LPAR1: variants seen among roughly 807,000 people sequenced by gnomAD.
LPAR1 encodes LPA receptor 1.
Under a neutral mutation model 23.8 loss-of-function variants are expected in LPAR1, and 5 were observed. That is an observed-to-expected ratio of 0.21 (90% CI 0.11 to 0.44). The LOEUF is 0.44. LPAR1 is among the 20% of genes least tolerant of loss of function. The probability of loss-of-function intolerance (pLI) is 0.99; values close to 1 mark genes in which losing one functional copy is unlikely to be tolerated. For synonymous variants in LPAR1, 160 were observed against 164.7 expected, an observed-to-expected ratio of 0.97 and a Z score of 0.22; for missense variants, 311 against 482.8, an observed-to-expected ratio of 0.64 and a Z score of 3.33.
chr9:110,932,610 C>T (rs952165510), intron 5 of LPAR1, among the ~76,000 whole-genome samples: 2 of 152,238 alleles, frequency 1.3e-5, no homozygotes, highest in Non-Finnish European at 2.9e-5. Flanking sequence ...TGTTAAGAAT[C>T]GGGCTGCACA....
chr9:111,009,894 T>G (rs922149200), intron 2 of LPAR1, among the ~76,000 whole-genome samples: 2 of 151,022 alleles, frequency 1.3e-5, no homozygotes, highest in African/African-American at 4.9e-5. Context: ...TTATTATGGA[T>G]GCTAAGTTAC....
chr9:110,959,486 T>C (rs1182175178), intron 4 of LPAR1, among the ~76,000 whole-genome samples: 1 of 151,908 alleles, frequency 6.6e-6, no homozygotes, highest in Non-Finnish European at 1.5e-5. Context: ...GGCATGGTGG[T>C]ACACACCTGT....
At chr9:110,965,718 T>A (rs2096193041) in intron 4 of LPAR1, among the ~76,000 whole-genome samples, 1 of 152,214 alleles carries the variant, frequency 6.6e-6, no homozygotes, top group Non-Finnish European at 1.5e-5. Flanking sequence ...GTGTGGTGAT[T>A]CCTCAAGGAT....
At chr9:110,896,712 C>T (rs187316392) in intron 5 of LPAR1, among the ~76,000 whole-genome samples, 1 of 151,870 alleles carries the variant, frequency 6.6e-6, no homozygotes, top group African/African-American at 2.4e-5. Flanking sequence ...ACATAATACA[C>T]TGAAGCATGA....
rs138901415 is a variant in LPAR1 at position 110,882,452 on chromosome 9, C to T, written c.794-6730G>A. 1.6e-3 allele frequency among the ~76,000 whole-genome samples: 250 copies of T among 152,190 alleles called. 1 individual carries two copies. The highest frequency in any genetic ancestry group is 0.01 in the Middle Eastern group (3 of 294). On this transcript the variant is annotated intron_variant, in intron 5 of 5. Coordinates refer to ENST00000683809, the MANE Select transcript of LPAR1 (RefSeq NM_001351411.2). ...GTGGAAAATAAACATTAACATCTAC[C>T]GTGTGTAAGGTCTTTAAATGGATGC...
chr9:110,960,245 A>T (rs1363111099), intron 4 of LPAR1, among the ~76,000 whole-genome samples: 1 of 152,214 alleles, frequency 6.6e-6, no homozygotes, highest in Non-Finnish European at 1.5e-5. Flanking sequence ...GAGGTGATGA[A>T]TAGCCTGAAT....
rs1218225492 is a variant in LPAR1, at chr9:110,875,245, T to G, written c.*176A>C. 5.6e-6 allele frequency: 3 copies of G among 536,226 alleles called. No homozygotes were observed. Among genetic ancestry groups the G allele is most frequent in the East Asian group, 2.9e-5 (1 of 34,010 alleles). 33.2% of individuals were successfully genotyped at this position (536,226 alleles called of 1,614,324 possible). A position where few individuals can be genotyped will look rare whatever the true frequency, so the allele number is the denominator to read the frequency against. ...ATGAGGGTTGTCACATAAGCTAATT[T>G]TCAATATATATCAAGTCTTGTGGGG... On this transcript the variant is annotated 3_prime_UTR_variant, in exon 6 of 6. Transcript: ENST00000683809.
chr9:110,902,241 G>T lies in LPAR1; in HGVS notation c.794-26519C>A, dbSNP rs79376978. Among the ~76,000 whole-genome samples, 574 of 152,122 alleles carry T rather than the reference G, an allele frequency of 3.8e-3. 2 individuals carry two copies. Among genetic ancestry groups the T allele is most frequent in the African/African-American group, 0.013 (527 of 41,484 alleles). ...CAGGCTGGCCAGCGGTACTAGCCAG[G>T]GAAAATGGAGCAGGAGCCATGCTGA... On this transcript the variant is annotated intron_variant, in intron 5 of 5. Coordinates refer to ENST00000683809, the MANE Select transcript of LPAR1 (RefSeq NM_001351411.2).
chr9:110,967,539 A>G (rs1306869966), intron 4 of LPAR1, among the ~76,000 whole-genome samples: 1 of 152,216 alleles, frequency 6.6e-6, no homozygotes, highest in Non-Finnish European at 1.5e-5. Flanking sequence ...GGCCTTAGAA[A>G]AGGATTTTCA....
At chr9:110,907,933 A>G (rs1391357812) in intron 5 of LPAR1, among the ~76,000 whole-genome samples, 1 of 151,438 alleles carries the variant, frequency 6.6e-6, no homozygotes, top group Non-Finnish European at 1.5e-5. Context: ...ACACACACAC[A>G]CACACACACA....
chr9:111,007,825 A>G (rs563424773), intron 2 of LPAR1, among the ~76,000 whole-genome samples: 3 of 152,304 alleles, frequency 2.0e-5, no homozygotes, highest in Non-Finnish European at 4.4e-5. Flanking sequence ...GAAGACAATC[A>G]TTACAAAACT....
chr9:110,954,166 C>A (rs2095659483), intron 4 of LPAR1, among the ~76,000 whole-genome samples: 1 of 151,956 alleles, frequency 6.6e-6, no homozygotes, highest in South Asian at 2.1e-4. Flanking sequence ...GAAAGAAATA[C>A]AAAATACATT....
chr9:110,966,207 A>G lies in LPAR1; in HGVS notation c.45+5866T>C, dbSNP rs572975053. On this transcript the variant is annotated intron_variant, in intron 4 of 5. Coordinates refer to ENST00000683809, the MANE Select transcript of LPAR1 (RefSeq NM_001351411.2). Reference sequence around the variant, plus strand: ...TTAAAACCTAGATGATGGGCCGGGCATGCTGGCTCACACCTGTAATCTCAG... The same window carrying G: ...TTAAAACCTAGATGATGGGCCGGGCGTGCTGGCTCACACCTGTAATCTCAG... 2.0e-5 allele frequency among the ~76,000 whole-genome samples: 3 copies of G among 152,142 alleles called. No homozygotes were observed. The South Asian group carries it at 6.2e-4, about 32-fold the overall frequency.
At chr9:110,995,772 G>C (rs757184525) in intron 2 of LPAR1, among the ~76,000 whole-genome samples, 5 of 152,154 alleles carry the variant, frequency 3.3e-5, no homozygotes, top group Non-Finnish European at 5.9e-5. Flanking sequence ...GGAATTAAGT[G>C]ACTTTTCTCT....
chr9:111,015,423 C>T (rs1186706472), intron 2 of LPAR1, among the ~76,000 whole-genome samples: 1 of 152,114 alleles, frequency 6.6e-6, no homozygotes, highest in African/African-American at 2.4e-5. Flanking sequence ...ACTGTTACTG[C>T]CTTAACTCAA....
chr9:110,875,712 G>A lies in LPAR1; in HGVS notation c.804C>T (p.Ile268=), dbSNP rs2132210292. ...KTVVIVLGAF[I]ICWTPGLVLL... is the part of the protein sequence containing the mutation. ...AAACCAATCCAGGAGTCCAGCAGAT[G>A]ATAAAGGCCCCTACAAGGACAAGGA... Residue 268 remains isoleucine, a synonymous_variant, in exon 6 of 6, where the codon ATC becomes ATT. Transcript: ENST00000683809. 6.3e-7 allele frequency: 1 copy of A among 1,592,870 alleles called. No homozygotes were observed. Among genetic ancestry groups the A allele is most frequent in the Non-Finnish European group, 8.6e-7 (1 of 1,166,338 alleles).
chr9:110,907,692 A>C (rs1041678194), intron 5 of LPAR1, among the ~76,000 whole-genome samples: 2 of 152,122 alleles, frequency 1.3e-5, no homozygotes, highest in Non-Finnish European at 2.9e-5. Flanking sequence ...TCTTTCTTTG[A>C]TTCTTAATAT....
chr9:110,970,045 G>T (rs1231586286), intron 4 of LPAR1, among the ~76,000 whole-genome samples: 1 of 152,094 alleles, frequency 6.6e-6, no homozygotes, highest in Non-Finnish European at 1.5e-5. Context: ...CCCAGTGATT[G>T]TATGAAATAG....
chr9:110,879,098 G>A (rs374346632), intron 5 of LPAR1, among the ~76,000 whole-genome samples: 16 of 152,158 alleles, frequency 1.1e-4, no homozygotes, highest in African/African-American at 2.2e-4. Context: ...GCACAACACC[G>A]ATGAATGGTA....
Sources: gnomAD v4.1 joint callset for allele counts (sites outside exome capture counted in the v4.1 genomes callset) on GRCh38, gnomAD v4.1.1 for gene constraint, MANE v1.5 for transcripts, NCBI Gene and HGNC (gene_info 2026-07-23, HGNC 2026-07-21) for gene names.